SAMD11: variants seen among roughly 807,000 people sequenced by gnomAD.
SAMD11 encodes sterile alpha motif domain containing 11.
In SAMD11, 77 loss-of-function variants were observed where a neutral mutation model predicts 64.4. The observed-to-expected ratio is 1.20, with a 90% CI of 0.99 to 1.44. SAMD11 has a LOEUF of 1.44. Ranked by LOEUF, SAMD11 falls within the 40% of genes most tolerant of loss-of-function variation. SAMD11 has a pLI of 0.00. For synonymous variants in SAMD11, 658 were observed against 421.9 expected, an observed-to-expected ratio of 1.56 and a Z score of -6.86; for missense variants, 1,402 against 943.3, an observed-to-expected ratio of 1.49 and a Z score of -6.37.
In SAMD11 at chr1:944,163, G is replaced by A. The variant is rs1395134534; in HGVS notation, c.*10G>A. The A allele has an allele frequency of 2.0e-6, 3 of 1,533,514 alleles. No individual in the cohort carries two copies. The highest frequency in any genetic ancestry group is 2.6e-6 in the Non-Finnish European group (3 of 1,139,220). 95.0% of individuals were successfully genotyped at this position (1,533,514 alleles called of 1,614,324 possible). ...CCAGCCTCTGTGTTGAGGTTGCCGG[G>A]GGTAGGGGTGGGGCCACACAAATCT... On this transcript the variant is annotated 3_prime_UTR_variant, in exon 14 of 14. Coordinates refer to ENST00000616016, the MANE Select transcript of SAMD11 (RefSeq NM_001385641.1).
intron 7 of SAMD11, 153 bp from the exon 8 acceptor site, chr1:940,991 C>T (rs1046457646): frequency 3.4e-6 from 2 of 585,612 alleles, no homozygotes; most frequent in South Asian, 2.4e-5. Flanking sequence ...TGTGGCCGCC[C>T]ATCCTCCTGC....
chr1:942,197 C>G lies in SAMD11; in HGVS notation c.1420C>G (p.Pro474Ala), dbSNP rs748970150. The G allele has an allele frequency of 1.2e-5, 16 of 1,388,192 alleles. No individual in the cohort carries two copies. The South Asian group carries it at 2.5e-4, about 22-fold the overall frequency. The allele number at this position is 1,388,192 out of a possible 1,614,324, so 86.0% of individuals were successfully genotyped here. The change falls in exon 9 of 14, where the codon CCC (proline) becomes GCC (alanine). Residue 474 changes from proline to alanine, a missense_variant. Transcript: ENST00000616016. ...GAATGCCCCTCACGTCGCCCTGGGC[C>G]CCCATCTCAGGCCCCCCTTCCTGGG... ...PQNAPHVALG[P>A]HLRPPFLGVP...
intron 4 of SAMD11, among the ~76,000 whole-genome samples, chr1:932,716 T>C (rs2001730): frequency 0.11 from 17,170 of 152,260 alleles, 3,046 homozygotes; most frequent in African/African-American, 0.38. Flanking sequence ...CGTCCAGTGG[T>C]CTCCACCCAT....
chr1:936,488 C>T (rs945312608), intron 5 of SAMD11, among the ~76,000 whole-genome samples: 1 of 152,000 alleles, frequency 6.6e-6, no homozygotes, highest in Non-Finnish European at 1.5e-5. Context: ...GGAAGGGATC[C>T]GGCGCCTGAG....
chr1:942,814 C>T lies in SAMD11; in HGVS notation c.1809C>T (p.Ala603=), dbSNP rs1311431719. ...RAPRKGGPGP[A]SARPSESKEM... Reference sequence around the variant, plus strand: ...CCCGGAAGGGGGGTCCCGGCCCTGCCTCAGCGCGGCCCAGCGAGTCCAAGG... The same window carrying T: ...CCCGGAAGGGGGGTCCCGGCCCTGCTTCAGCGCGGCCCAGCGAGTCCAAGG... Residue 603 remains alanine, a synonymous_variant, in exon 11 of 14, where the codon GCC becomes GCT. Coordinates refer to ENST00000616016, the MANE Select transcript of SAMD11 (RefSeq NM_001385641.1). The T allele has an allele frequency of 1.9e-6, 3 of 1,547,952 alleles. No homozygotes were observed. The highest frequency in any genetic ancestry group is 2.0e-5 in the Admixed American group (1 of 50,948).
intron 7 of SAMD11, 63 bp from the exon 8 acceptor site, chr1:941,081 A>G: frequency 6.9e-7 from 1 of 1,451,022 alleles, no homozygotes. Context: ...CTACGCCAGG[A>G]CGCGGGCTGG....
rs1387217327 is a variant in SAMD11, at chr1:943,979, C to G, written c.2361C>G (p.Thr787=). Residue 787 remains threonine, a synonymous_variant, in exon 14 of 14, where the codon ACC becomes ACG. Transcript: ENST00000616016. ...FPVALPLQPP[T]LRAPERELGT... ...TGGCTCTGCCACTGCAGCCACCAAC[C>G]CTGCGGGCCCCGGAGCGAGAACTCG... 3 of 1,612,824 alleles carry G rather than the reference C, an allele frequency of 1.9e-6. No homozygotes were observed. The highest frequency in any genetic ancestry group is 1.6e-4 in the Middle Eastern group (1 of 6,062).
chr1:925,385 G>T (rs1488425113), intron 1 of SAMD11, among the ~76,000 whole-genome samples: 1 of 139,916 alleles, frequency 7.1e-6, no homozygotes, highest in Non-Finnish European at 1.6e-5. Flanking sequence ...CCCGAGCGGC[G>T]GCGCCAGGTC....
In SAMD11 at chr1:939,365, C is replaced by T. The variant is rs1641625510; in HGVS notation, c.1148C>T (p.Thr383Ile). 2 of 1,609,762 alleles carry T rather than the reference C, an allele frequency of 1.2e-6. No individual in the cohort carries two copies. Among genetic ancestry groups the T allele is most frequent in the Non-Finnish European group, 8.5e-7 (1 of 1,179,724 alleles). The change falls in exon 7 of 14, where the codon ACC becomes ATC. Residue 383 changes from threonine (T) to isoleucine (I), a missense_variant. By Grantham distance (89) the Thr-to-Ile change is moderately conservative. Transcript: ENST00000616016. ...GTGTCAGCACTGAGCGAGGCCAGCA[C>T]CTTTGAGGACCCTCAGCGCCTCTAC... ...RLVSALSEAS[T>I]FEDPQRLYHL...
chr1:943,439 G>A, intron 12 of SAMD11, 62 bp downstream of exon 12: 5 of 1,386,416 alleles, frequency 3.6e-6, no homozygotes, highest in Non-Finnish European at 3.9e-6. Flanking sequence ...CTACCTCCCT[G>A]GAAAGGATGG....
rs201028785 is a variant in SAMD11, at chr1:939,326, A to G, written c.1109A>G (p.His370Arg). Residue 370 changes from histidine to arginine, a missense_variant, in exon 7 of 14, where the codon CAT (histidine) becomes CGT (arginine). By Grantham distance (29) the His-to-Arg change is conservative. Transcript: ENST00000616016. The part of the protein sequence containing the change: ...ELGPSMAPED[H>R]YRRLVSALSE... ...GGGCCCAGCATGGCCCCGGAGGACC[A>G]TTACCGCCGGCTTGTGTCAGCACTG... The G allele has an allele frequency of 1.2e-6, 2 of 1,611,960 alleles. No homozygotes were observed. Among genetic ancestry groups the G allele is most frequent in the African/African-American group, 1.3e-5 (1 of 74,924 alleles).
intron 8 of SAMD11, 87 bp downstream of exon 8, chr1:941,393 T>C: frequency 2.3e-6 from 3 of 1,282,444 alleles, no homozygotes; most frequent in Admixed American, 2.7e-5. Context: ...GCCCCGAGAG[T>C]GCCAAGCACT....
In SAMD11 at chr1:939,100, A is replaced by G; in HGVS notation, c.1028A>G (p.Glu343Gly). The stretch of plus-strand genomic sequence containing the variant: ...CGTATCAGCAGCGACTGCTTTTCAG[A>G]GAAGAGGGCACGAAGCGAATCGCCT... ...SPRISSDCFS[E>G]KRARSESPQE... The change falls in exon 6 of 14, where the codon GAG (glutamate) becomes GGG (glycine). Residue 343 changes from glutamate (E) to glycine (G), a missense_variant. Coordinates refer to ENST00000616016, the MANE Select transcript of SAMD11 (RefSeq NM_001385641.1). The G allele has an allele frequency of 6.2e-7, 1 of 1,604,168 alleles. No individual in the cohort carries two copies. The highest frequency in any genetic ancestry group is 8.5e-7 in the Non-Finnish European group (1 of 1,175,682).
chr1:936,819 T>C (rs1484743733), intron 5 of SAMD11, among the ~76,000 whole-genome samples: 5 of 152,108 alleles, frequency 3.3e-5, no homozygotes, highest in Non-Finnish European at 7.4e-5. Flanking sequence ...TGAGAGGCGG[T>C]TGATAAAATC....
In SAMD11 at chr1:930,221, CGAA is replaced by C. The variant is rs1641106289; in HGVS notation, c.677_679del (p.Arg226_Thr227delinsPro). 4.4e-6 allele frequency: 7 copies of C among 1,586,862 alleles called. No homozygotes were observed. Among genetic ancestry groups the C allele is most frequent in the Non-Finnish European group, 6.0e-6 (7 of 1,166,988 alleles). On this transcript the variant is annotated inframe_deletion, in exon 3 of 14. Coordinates refer to ENST00000616016, the MANE Select transcript of SAMD11 (RefSeq NM_001385641.1). ...TGCCGCCCGGAACCTGAAGAAGGAGCGAACTCCCAGCTTCTCTGCCAGCGATGG... is the reference window on the plus strand; with the variant it reads ...TGCCGCCCGGAACCTGAAGAAGGAGCCTCCCAGCTTCTCTGCCAGCGATGG...
At chr1:939,481 G>C in intron 7 of SAMD11, 69 bp downstream of exon 7, 1 of 1,595,372 alleles carries the variant, frequency 6.3e-7, no homozygotes. Flanking sequence ...ACCCTGGCAT[G>C]ATCTCCCCTC....
intron 2 of SAMD11, among the ~76,000 whole-genome samples, chr1:929,634 G>A (rs763106485): frequency 5.9e-5 from 9 of 152,354 alleles, no homozygotes; most frequent in South Asian, 4.1e-4. Context: ...GGGAACGTGC[G>A]CATTTGAGTG....
chr1:939,928 C>G (rs1437063205), intron 7 of SAMD11, among the ~76,000 whole-genome samples: 2 of 152,124 alleles, frequency 1.3e-5, no homozygotes, highest in Non-Finnish European at 2.9e-5. Context: ...GCCCCTTCCC[C>G]CGGGTCGGCC....
At chr1:936,691 GGGA>G (rs1641470738) in intron 5 of SAMD11, among the ~76,000 whole-genome samples, 1 of 152,102 alleles carries the variant, frequency 6.6e-6, no homozygotes, top group Non-Finnish European at 1.5e-5. Context: ...GGAGGGGTGG[GGGA>G]GGCCCACCCC....
Sources: allele counts gnomAD v4.1 joint callset (sites outside exome capture counted in the v4.1 genomes callset), GRCh38; gene constraint gnomAD v4.1.1; transcripts MANE v1.5; gene names NCBI Gene and HGNC (gene_info 2026-07-23, HGNC 2026-07-21).